The following PCDH7 variants were observed in gnomAD, a reference collection of about 807,000 sequenced individuals.
PCDH7 encodes protocadherin-7.
A neutral mutation model predicts 58.9 loss-of-function variants in PCDH7; 17 were observed. The ratio of observed to expected loss-of-function variants is 0.29; its 90% CI spans 0.20 to 0.43. The LOEUF (loss-of-function observed/expected upper bound fraction) is 0.43, where lower values mean the gene tolerates loss of function less well. Ranked by LOEUF, PCDH7 falls within the 20% of genes least tolerant of loss-of-function variation. The pLI, the probability that PCDH7 is intolerant of heterozygous loss-of-function variation, is 1.00. For missense variants in PCDH7, 1,274 were observed against 1,441.0 expected (o/e 0.88, Z 1.88); for synonymous variants, 664 against 616.4 (o/e 1.08, Z -1.14).
At chr4:30,814,660 G>A (rs1352243908) in intron 1 of PCDH7, among the ~76,000 whole-genome samples, 1 of 151,666 alleles carries the variant, frequency 6.6e-6, no homozygotes, top group Non-Finnish European at 1.5e-5. Flanking sequence ...CTTAATAATT[G>A]CTACAAAGAT....
chr4:31,097,995 T>A (rs911505170), intron 3 of PCDH7, among the ~76,000 whole-genome samples: 3 of 152,230 alleles, frequency 2.0e-5, no homozygotes, highest in Admixed American at 2.0e-4. Flanking sequence ...GAAAGATTCT[T>A]TCAGGTCACG....
At chr4:31,002,724 TC>T (rs1752451050) in intron 3 of PCDH7, among the ~76,000 whole-genome samples, 1 of 152,218 alleles carries the variant, frequency 6.6e-6, no homozygotes, top group African/African-American at 2.4e-5. Flanking sequence ...TATTCTAAGT[TC>T]AACTTAATAG....
chr4:30,744,580 G>T (rs1391844141), intron 1 of PCDH7, among the ~76,000 whole-genome samples: 1 of 152,172 alleles, frequency 6.6e-6, no homozygotes, highest in Non-Finnish European at 1.5e-5. Flanking sequence ...TATGATAAGG[G>T]TTATAATGGG....
chr4:30,798,822 T>C (rs1725135569), intron 1 of PCDH7, among the ~76,000 whole-genome samples: 1 of 152,216 alleles, frequency 6.6e-6, no homozygotes, highest in South Asian at 2.1e-4. Context: ...AGTTATAAAC[T>C]GATTTTTATT....
rs949999704 is a variant in PCDH7, at chr4:30,951,246, A to G, written c.*7+1031A>G. 6.6e-5 allele frequency among the ~76,000 whole-genome samples: 10 copies of G among 152,198 alleles called. 1 individual carries two copies. Among genetic ancestry groups the G allele is most frequent in the African/African-American group, 2.4e-4 (10 of 41,462 alleles). ...TACATAAACAAAGCAAACCATTTCA[A>G]TTTACATACATTTTCACCGAACATT... On this transcript the variant is annotated intron_variant, in intron 3 of 3. Coordinates refer to the PCDH7 transcript ENST00000509759.
At chr4:31,079,749 G>A (rs1465582585) in intron 3 of PCDH7, among the ~76,000 whole-genome samples, 1 of 152,066 alleles carries the variant, frequency 6.6e-6, no homozygotes, top group African/African-American at 2.4e-5. Flanking sequence ...GTTCAACGGT[G>A]TTAACTGCAG....
At chr4:31,033,810 T>A (rs1755156736) in intron 3 of PCDH7, among the ~76,000 whole-genome samples, 1 of 152,082 alleles carries the variant, frequency 6.6e-6, no homozygotes, top group Non-Finnish European at 1.5e-5. Context: ...AGAAACTATC[T>A]AGGCTGGGTG....
At chr4:31,003,926 T>C (rs912721619) in intron 3 of PCDH7, among the ~76,000 whole-genome samples, 1 of 152,144 alleles carries the variant, frequency 6.6e-6, no homozygotes, top group Non-Finnish European at 1.5e-5. Flanking sequence ...TAACTAACAC[T>C]AAATGAAGTA....
rs149501069 is a variant in PCDH7, at chr4:31,079,309, GAT to G, written c.*8-63110_*8-63109del. On this transcript the variant is annotated intron_variant, in intron 3 of 3. Coordinates refer to the PCDH7 transcript ENST00000509759. ...GTAAAAGATATTTACAATACTGGAA[GAT>G]ATATATATATATATATATATATATA... Among the ~76,000 whole-genome samples the G allele has an allele frequency of 6.1e-3, 409 of 66,998 alleles. 1 individual carries two copies. Among genetic ancestry groups the G allele is most frequent in the Non-Finnish European group, 8.6e-3 (268 of 31,210 alleles). The allele number at this position is 66,998 out of a possible 152,430, so 44.0% of individuals were successfully genotyped here. A position where few individuals can be genotyped will look rare whatever the true frequency, so the allele number is the denominator to read the frequency against.
chr4:31,078,883 T>A (rs1210713494), intron 3 of PCDH7, among the ~76,000 whole-genome samples: 3 of 151,890 alleles, frequency 2.0e-5, no homozygotes, highest in Non-Finnish European at 4.4e-5. Flanking sequence ...AACAAACAAA[T>A]GCAACAGAAT....
intron 3 of PCDH7, among the ~76,000 whole-genome samples, chr4:30,950,821 G>C (rs1308541576): frequency 6.6e-6 from 1 of 152,128 alleles, no homozygotes; most frequent in Non-Finnish European, 1.5e-5. Context: ...GAGACAGAGG[G>C]GACTAGGGAC....
At chr4:30,836,441 T>G (rs192099549) in intron 1 of PCDH7, among the ~76,000 whole-genome samples, 2 of 152,240 alleles carry the variant, frequency 1.3e-5, no homozygotes, top group Admixed American at 1.3e-4. Context: ...AAAAACATAG[T>G]TTAAAATAAA....
chr4:31,116,754 T>A (rs1003927678), intron 3 of PCDH7, among the ~76,000 whole-genome samples: 1 of 152,236 alleles, frequency 6.6e-6, no homozygotes, highest in African/African-American at 2.4e-5. Flanking sequence ...ATAGTAAGTG[T>A]GTATGTAGCA....
chr4:31,025,613 C>T lies in PCDH7; in HGVS notation c.*7+75398C>T, dbSNP rs147853323. On this transcript the variant is annotated intron_variant, in intron 3 of 3. Coordinates refer to the PCDH7 transcript ENST00000509759. ...ATGAAGAAAGAAATGTTTCCACTTG[C>T]CTATTATTTACTAGAAAATTAATCT... Among the ~76,000 whole-genome samples, 23 of 152,256 alleles carry T rather than the reference C, an allele frequency of 1.5e-4. No homozygotes were observed. In the East Asian group the frequency reaches 4.4e-3, roughly 29 times the overall value.
chr4:30,945,776 A>G (rs1392767382), intron 2 of PCDH7, among the ~76,000 whole-genome samples: 2 of 152,108 alleles, frequency 1.3e-5, no homozygotes, highest in Admixed American at 6.6e-5. Flanking sequence ...AAAACATGTG[A>G]CATTCCTCCT....
At chr4:30,874,877 T>A (rs1736100446) in intron 1 of PCDH7, among the ~76,000 whole-genome samples, 1 of 152,006 alleles carries the variant, frequency 6.6e-6, no homozygotes. Context: ...CTGTTGGAGC[T>A]TTTATTATTA....
chr4:30,740,899 A>G (rs910061361), intron 1 of PCDH7, among the ~76,000 whole-genome samples: 1 of 151,782 alleles, frequency 6.6e-6, no homozygotes, highest in South Asian at 2.1e-4. Flanking sequence ...TTCAAAGAAT[A>G]TGAAACATTT....
In PCDH7 at chr4:30,722,748, C is replaced by T. The variant is rs1452902182; in HGVS notation, c.1326C>T (p.Ile442=). Residue 442 remains isoleucine (I), a synonymous_variant, in exon 1 of 2, where the codon ATC becomes ATT. Coordinates refer to ENST00000361762, the Ensembl canonical transcript of PCDH7. The surrounding 1 kb of genome is among the most constrained non-coding windows in gnomAD (Gnocchi z 7.6). ...AGGACGTTCTGGTCGACACCCCCAT[C>T]GCTCTGGTGCAGGTGTCCGACCGAG... 1 of 1,613,516 alleles carries T rather than the reference C, an allele frequency of 6.2e-7. No homozygotes were observed.
intron 1 of PCDH7, chr4:30,793,773 C>A (rs1724434000): frequency 6.6e-6 from 1 of 152,050 alleles, no homozygotes; most frequent in Non-Finnish European, 1.5e-5. Flanking sequence ...TTCCAAATGA[C>A]CACAAATCAA....
Sources: gnomAD v4.1 joint callset for allele counts (sites outside exome capture counted in the v4.1 genomes callset) on GRCh38, gnomAD v4.1.1 for gene constraint, Gnocchi (gnomAD v3.1) non-coding constraint, MANE v1.5 for transcripts, NCBI Gene and HGNC (gene_info 2026-07-23, HGNC 2026-07-21) for gene names.